Variants in NALF1 observed in about 807,000 individuals in gnomAD.
The protein encoded by NALF1 is NALCN channel auxiliary factor 1.
A neutral mutation model predicts 48.4 loss-of-function variants in NALF1; 3 were observed. The ratio of observed to expected loss-of-function variants is 0.06; its 90% CI spans 0.03 to 0.16. The LOEUF (loss-of-function observed/expected upper bound fraction) is 0.16, where lower values mean the gene tolerates loss of function less well. NALF1 is among the 10% of genes least tolerant of loss of function. The probability of loss-of-function intolerance (pLI) is 1.00; values close to 1 mark genes in which losing one functional copy is unlikely to be tolerated. For missense variants in NALF1, 526 were observed against 571.5 expected (o/e 0.92, Z 0.81); for synonymous variants, 262 against 245.7 (o/e 1.07, Z -0.62).
At chr13:107,404,566 C>A (rs1035558935) in intron 1 of NALF1, among the ~76,000 whole-genome samples, 2 of 151,950 alleles carry the variant, frequency 1.3e-5, no homozygotes, top group Non-Finnish European at 2.9e-5. Flanking sequence ...GCAATTAATG[C>A]TCATGAAAAT....
At chr13:107,468,047 C>CAAAAAA (rs1287757353) in intron 1 of NALF1, among the ~76,000 whole-genome samples, 2 of 75,626 alleles carry the variant, frequency 2.6e-5, no homozygotes, top group African/African-American at 8.3e-5. Context: ...GACTCCGTCT[C>CAAAAAA]AAAAAAAAAA....
intron 1 of NALF1, among the ~76,000 whole-genome samples, chr13:107,255,869 G>A (rs1172851696): frequency 6.6e-6 from 1 of 152,112 alleles, no homozygotes; most frequent in Non-Finnish European, 1.5e-5. Context: ...TTTTAATAAA[G>A]GAAGGTAGAA....
chr13:107,285,800 TGA>T (rs1217312044), intron 1 of NALF1, among the ~76,000 whole-genome samples: 1 of 151,990 alleles, frequency 6.6e-6, no homozygotes, highest in South Asian at 2.1e-4. Flanking sequence ...CCCAGGGGGC[TGA>T]GAGAGAGTCA....
At chr13:107,536,692 C>G (rs537172469) in intron 1 of NALF1, among the ~76,000 whole-genome samples, 1 of 152,220 alleles carries the variant, frequency 6.6e-6, no homozygotes, top group African/African-American at 2.4e-5. Context: ...GGATCTAGAA[C>G]TAGAAATACC....
intron 1 of NALF1, among the ~76,000 whole-genome samples, chr13:107,535,046 C>T (rs1032529358): frequency 1.3e-5 from 2 of 152,132 alleles, no homozygotes; most frequent in Admixed American, 6.6e-5. Flanking sequence ...TATCCTGAGA[C>T]TTTGCTGAAG....
intron 1 of NALF1, among the ~76,000 whole-genome samples, chr13:107,757,237 A>C (rs1016636029): frequency 6.6e-6 from 1 of 152,186 alleles, no homozygotes; most frequent in African/African-American, 2.4e-5. Context: ...GGTCAACTCC[A>C]TATTAACATA....
At position 107,641,530 on chromosome 13, in the gene NALF1, TA is replaced by T. The variant is rs1171505690; in HGVS notation, c.915+224151del. 3.9e-5 allele frequency among the ~76,000 whole-genome samples: 6 copies of T among 152,180 alleles called. No individual in the cohort carries two copies. In the East Asian group the frequency reaches 7.7e-4, roughly 20 times the overall value. ...CTTGTGCCACTATTATACATTCATT[TA>T]AAAAAATAAACATGAGTCATAATTT... On this transcript the variant is annotated intron_variant, in intron 1 of 2. Coordinates refer to ENST00000375915, the MANE Select transcript of NALF1 (RefSeq NM_001080396.3).
At chr13:107,824,267 T>C (rs1879445942) in intron 1 of NALF1, among the ~76,000 whole-genome samples, 1 of 152,116 alleles carries the variant, frequency 6.6e-6, no homozygotes, top group Admixed American at 6.5e-5. Flanking sequence ...TATCACTAAA[T>C]TGTCTGATTG....
At chr13:107,685,209 G>T (rs1039581409) in intron 1 of NALF1, among the ~76,000 whole-genome samples, 3 of 152,142 alleles carry the variant, frequency 2.0e-5, no homozygotes, top group African/African-American at 7.2e-5. Context: ...AGCTACTCAG[G>T]AGGCTGAGGC....
chr13:107,193,893 C>T (rs1413945773), intron 2 of NALF1, among the ~76,000 whole-genome samples: 1 of 129,590 alleles, frequency 7.7e-6, no homozygotes. Context: ...AGAGTTGGAG[C>T]TGGCACTAGA....
intron 1 of NALF1, among the ~76,000 whole-genome samples, chr13:107,742,907 G>A (rs1013653748): frequency 4.6e-5 from 7 of 152,218 alleles, no homozygotes; most frequent in African/African-American, 1.4e-4. Context: ...TACGGAGAAT[G>A]TAGAGATAAA....
intron 1 of NALF1, among the ~76,000 whole-genome samples, chr13:107,339,191 C>T (rs1882622573): frequency 6.6e-6 from 1 of 150,628 alleles, no homozygotes; most frequent in Admixed American, 6.6e-5. Flanking sequence ...CTAGTAACTG[C>T]AATGAAATAA....
chr13:107,788,931 G>A (rs1878153015), intron 1 of NALF1: 1 of 152,114 alleles, frequency 6.6e-6, no homozygotes, highest in African/African-American at 2.4e-5. Flanking sequence ...ATAATAGAAA[G>A]CAAATATGGT....
intron 1 of NALF1, among the ~76,000 whole-genome samples, chr13:107,449,212 C>G (rs1379468318): frequency 6.6e-6 from 1 of 152,004 alleles, no homozygotes; most frequent in East Asian, 1.9e-4. Context: ...CTATTGCACT[C>G]CAGCCTGGGC....
chr13:107,182,594 A>AT, intron 2 of NALF1, among the ~76,000 whole-genome samples: 1 of 152,144 alleles, frequency 6.6e-6, no homozygotes, highest in African/African-American at 2.4e-5. Context: ...TTAAATGTAT[A>AT]TTTTTTCATA....
At chr13:107,279,192 T>C (rs1349070496) in intron 1 of NALF1, among the ~76,000 whole-genome samples, 4 of 152,284 alleles carry the variant, frequency 2.6e-5, no homozygotes, top group Non-Finnish European at 5.9e-5. Flanking sequence ...TACTCTGTAC[T>C]TCCCCTGGAC....
At chr13:107,567,326 CTAATGT>C (rs1183670801) in intron 1 of NALF1, among the ~76,000 whole-genome samples, 4 of 152,082 alleles carry the variant, frequency 2.6e-5, no homozygotes, top group Non-Finnish European at 4.4e-5. Flanking sequence ...ACGATCTCAT[CTAATGT>C]TAATATTATA....
intron 1 of NALF1, among the ~76,000 whole-genome samples, chr13:107,308,805 A>G (rs1274401567): frequency 6.6e-6 from 1 of 152,224 alleles, no homozygotes; most frequent in South Asian, 2.1e-4. Context: ...TCGCAACATG[A>G]CTTACAATAG....
rs751379854 is a variant in NALF1, at chr13:107,729,165, T to A, written c.915+136517A>T. Among the ~76,000 whole-genome samples the A allele has an allele frequency of 2.0e-5, 3 of 152,178 alleles. No individual in the cohort carries two copies. The South Asian group carries it at 6.2e-4, about 32-fold the overall frequency. On this transcript the variant is annotated intron_variant, in intron 1 of 2. Coordinates refer to ENST00000375915, the MANE Select transcript of NALF1 (RefSeq NM_001080396.3). ...CATCTGTTTTTGTACAGCAATAATC[T>A]AGGGATATTTTTTATTTAAAAAATG...
Sources: allele counts gnomAD v4.1 joint callset (sites outside exome capture counted in the v4.1 genomes callset), GRCh38; gene constraint gnomAD v4.1.1; transcripts MANE v1.5; gene names NCBI Gene and HGNC (gene_info 2026-07-23, HGNC 2026-07-21).